Variants in PHACTR1 observed in about 807,000 individuals in gnomAD.
PHACTR1 encodes RPEL repeat containing 1.
A neutral mutation model predicts 69.2 loss-of-function variants in PHACTR1; 16 were observed. That is an observed-to-expected ratio of 0.23 (90% CI 0.16 to 0.35). The LOEUF (loss-of-function observed/expected upper bound fraction) is 0.35. PHACTR1 is among the 10% of genes least tolerant of loss of function. The pLI is 1.00. For synonymous variants in PHACTR1, 312 were observed against 284.5 expected (o/e 1.10, Z -0.97); for missense variants, 510 against 734.7 (o/e 0.69, Z 3.54).
At chr6:12,983,981 A>G (rs1295804666) in intron 4 of PHACTR1, among the ~76,000 whole-genome samples, 1 of 152,152 alleles carries the variant, frequency 6.6e-6, no homozygotes, top group African/African-American at 2.4e-5. Flanking sequence ...AGTGTTTACT[A>G]TTGTGAATAG....
chr6:12,850,358 A>G (rs945280988), intron 4 of PHACTR1, among the ~76,000 whole-genome samples: 1 of 152,254 alleles, frequency 6.6e-6, no homozygotes, highest in Non-Finnish European at 1.5e-5. Context: ...GTGCAGATGC[A>G]AAGTCCTCCT....
At chr6:12,805,883 G>A (rs1324865463) in intron 4 of PHACTR1, among the ~76,000 whole-genome samples, 1 of 152,162 alleles carries the variant, frequency 6.6e-6, no homozygotes, top group African/African-American at 2.4e-5. Context: ...CTACGGGCGT[G>A]AGCCACCATG....
chr6:13,176,380 G>A (rs536058436), intron 6 of PHACTR1, among the ~76,000 whole-genome samples: 253 of 152,128 alleles, frequency 1.7e-3, no homozygotes, highest in African/African-American at 5.2e-3. Context: ...ATGCATCCAC[G>A]TCACTCACAT....
At chr6:13,276,890 A>C (rs1779034084) in intron 11 of PHACTR1, among the ~76,000 whole-genome samples, 1 of 152,248 alleles carries the variant, frequency 6.6e-6, no homozygotes. Flanking sequence ...TAATGAAGTT[A>C]CCAAAATATA....
intron 5 of PHACTR1, among the ~76,000 whole-genome samples, chr6:13,083,341 A>C (rs1283976265): frequency 6.6e-6 from 1 of 152,162 alleles, no homozygotes; most frequent in Non-Finnish European, 1.5e-5. Flanking sequence ...TGTTTTGGTT[A>C]CTGTAGCCTT....
intron 4 of PHACTR1, among the ~76,000 whole-genome samples, chr6:12,963,202 AG>A (rs2127570723): frequency 6.6e-6 from 1 of 152,350 alleles, no homozygotes; most frequent in East Asian, 1.9e-4. Context: ...CCAAATTAAC[AG>A]ACTTGAAAAG....
intron 4 of PHACTR1, among the ~76,000 whole-genome samples, chr6:12,981,102 G>A (rs1795471180): frequency 6.6e-6 from 1 of 152,188 alleles, no homozygotes; most frequent in Non-Finnish European, 1.5e-5. Context: ...GCTTATTCCT[G>A]CAACATTGCA....
At chr6:13,165,679 G>A (rs1457373591) in intron 6 of PHACTR1, among the ~76,000 whole-genome samples, 1 of 152,148 alleles carries the variant, frequency 6.6e-6, no homozygotes, top group Non-Finnish European at 1.5e-5. Context: ...AATCATGGAG[G>A]ACCTCTTGTG....
chr6:12,826,086 G>A (rs1776774206), intron 4 of PHACTR1, among the ~76,000 whole-genome samples: 1 of 152,200 alleles, frequency 6.6e-6, no homozygotes, highest in South Asian at 2.1e-4. Flanking sequence ...GAGACTGAAA[G>A]TAATTTTTTC....
chr6:12,997,929 G>A (rs9473188), intron 4 of PHACTR1, among the ~76,000 whole-genome samples: 75,638 of 151,856 alleles, frequency 0.5, 20,617 homozygotes, highest in African/African-American at 0.72. Flanking sequence ...CTCCAGCCTG[G>A]GCGACAGAGC....
intron 4 of PHACTR1, among the ~76,000 whole-genome samples, chr6:12,771,447 A>C (rs1476469294): frequency 1.3e-5 from 2 of 152,186 alleles, no homozygotes; most frequent in Non-Finnish European, 2.9e-5. Flanking sequence ...TGAAGGATTC[A>C]AGCAGGCAGT....
At chr6:12,912,925 G>T (rs1358875062) in intron 4 of PHACTR1, among the ~76,000 whole-genome samples, 1 of 152,158 alleles carries the variant, frequency 6.6e-6, no homozygotes, top group Non-Finnish European at 1.5e-5. Context: ...CTGCACTCCA[G>T]CCTGGGCAAC....
chr6:12,986,055 C>A (rs1796148282), intron 4 of PHACTR1, among the ~76,000 whole-genome samples: 1 of 152,152 alleles, frequency 6.6e-6, no homozygotes. Context: ...AGGCTGGTCT[C>A]AAACTCCTGA....
chr6:12,738,422 T>C (rs1430812587), intron 3 of PHACTR1, among the ~76,000 whole-genome samples: 1 of 152,192 alleles, frequency 6.6e-6, no homozygotes, highest in Non-Finnish European at 1.5e-5. Context: ...CATGAAAATA[T>C]CCCACCCATC....
intron 5 of PHACTR1, among the ~76,000 whole-genome samples, chr6:13,135,301 T>C (rs1216233830): frequency 6.6e-6 from 1 of 152,146 alleles, no homozygotes; most frequent in African/African-American, 2.4e-5. Flanking sequence ...CAGGGCCACG[T>C]TTCTGGGAGG....
chr6:12,923,705 C>T (rs1398971767), intron 4 of PHACTR1, among the ~76,000 whole-genome samples: 2 of 152,170 alleles, frequency 1.3e-5, no homozygotes, highest in Admixed American at 6.5e-5. Context: ...TTTTCACTAA[C>T]TTCAAGAAAC....
intron 4 of PHACTR1, among the ~76,000 whole-genome samples, chr6:12,872,025 A>G (rs1303306908): frequency 6.6e-6 from 1 of 152,064 alleles, no homozygotes; most frequent in Non-Finnish European, 1.5e-5. Context: ...CATTATGAAC[A>G]TGAGTTTTAT....
Position 13,130,496 on chromosome 6 carries a change from A to G in PHACTR1, c.416-29708A>G, listed in dbSNP as rs546675952. Among the ~76,000 whole-genome samples the G allele has an allele frequency of 2.0e-5, 3 of 152,272 alleles. No individual in the cohort carries two copies. The East Asian group carries it at 5.8e-4, about 29-fold the overall frequency. On this transcript the variant is annotated intron_variant, in intron 5 of 14. Coordinates refer to ENST00000332995, the MANE Select transcript of PHACTR1 (RefSeq NM_030948.6). The stretch of plus-strand genomic sequence containing the variant: ...GGAGATATTACAACCAATACCACAG[A>G]AATACAAAAGATTATTCAAGGCTGC...
Position 13,246,993 on chromosome 6 carries a change from G to A in PHACTR1, c.1391+16800G>A, listed in dbSNP as rs977246997. 2.0e-5 allele frequency among the ~76,000 whole-genome samples: 3 copies of A among 152,148 alleles called. No individual in the cohort carries two copies. Among genetic ancestry groups the A allele is most frequent in the South Asian group, 4.1e-4 (2 of 4,820 alleles). The stretch of plus-strand genomic sequence containing the variant: ...TGAGGCAGAATGTAAACAGGGAAAA[G>A]CATCCAAAGATACAACCCTGGAAAA... On this transcript the variant is annotated intron_variant, in intron 10 of 14. Coordinates refer to ENST00000332995, the MANE Select transcript of PHACTR1 (RefSeq NM_030948.6). This position sits in a 1 kb window ranked among gnomAD's most constrained non-coding sequence, Gnocchi z 4.2.
Sources: gnomAD v4.1 joint callset for allele counts (sites outside exome capture counted in the v4.1 genomes callset) on GRCh38, gnomAD v4.1.1 for gene constraint, Gnocchi (gnomAD v3.1) non-coding constraint, MANE v1.5 for transcripts, NCBI Gene and HGNC (gene_info 2026-07-23, HGNC 2026-07-21) for gene names.